The following OR2L13 variants were observed in gnomAD, a reference collection of about 807,000 sequenced individuals.
The protein encoded by OR2L13 is olfactory receptor family 2 subfamily L member 13, also known as olfactory receptor 2L13.
A neutral mutation model predicts 15.3 loss-of-function variants in OR2L13; 14 were observed. The ratio of observed to expected loss-of-function variants is 0.91; its 90% CI spans 0.60 to 1.43. The LOEUF (loss-of-function observed/expected upper bound fraction) is 1.43. Ranked by LOEUF, OR2L13 falls within the 40% of genes most tolerant of loss-of-function variation. The probability of loss-of-function intolerance (pLI) is 0.00; values close to 1 mark genes in which losing one functional copy is unlikely to be tolerated. For missense variants in OR2L13, 367 were observed against 387.9 expected (o/e 0.95, Z 0.45); for synonymous variants, 152 against 142.9 (o/e 1.06, Z -0.45).
At chr1:248,024,882 C>T in the OR2L13 span, among the ~76,000 whole-genome samples, 5,447 of 152,144 alleles carry the variant, frequency 0.036, 330 homozygotes, top group African/African-American at 0.12. Context: ...ATTGACTTGG[C>T]GATGCGGGCT....
At chr1:248,100,332 C>T in exon 3 of OR2L13, 2 of 1,425,806 alleles carry the variant, frequency 1.4e-6, no homozygotes, top group Non-Finnish European at 2.0e-6. Flanking sequence ...CATCCCCACT[C>T]CCTTTGTATT....
At chr1:247,949,476 G>A in the OR2L13 span, 46 of 1,609,484 alleles carry the variant, frequency 2.9e-5, no homozygotes, top group African/African-American at 1.7e-4. Flanking sequence ...CATCTTTCTC[G>A]TGTTTCCCTT....
chr1:248,089,433 G>A, the OR2L13 span, among the ~76,000 whole-genome samples: 2 of 152,092 alleles, frequency 1.3e-5, no homozygotes, highest in Non-Finnish European at 2.9e-5. Context: ...CTCCCCAGAA[G>A]TTGAGTCATG....
At chr1:248,029,288 A>T in the OR2L13 span, 1 of 152,232 alleles carries the variant, frequency 6.6e-6, no homozygotes, top group Non-Finnish European at 1.5e-5. Context: ...AAATAATTTA[A>T]CAATTTAAAT....
the OR2L13 span, among the ~76,000 whole-genome samples, chr1:247,967,421 T>G: frequency 0.62 from 93,497 of 151,770 alleles, 31,751 homozygotes; most frequent in East Asian, 0.85. Context: ...TAGAGACTGG[T>G]TTTCACCATG....
At chr1:247,956,734 G>T in the OR2L13 span, among the ~76,000 whole-genome samples, 1 of 151,836 alleles carries the variant, frequency 6.6e-6, no homozygotes, top group East Asian at 1.9e-4. Context: ...CTCATGATTT[G>T]GCTCTCTGTT....
At chr1:248,015,234 G>A in the OR2L13 span, among the ~76,000 whole-genome samples, 1,224 of 152,170 alleles carry the variant, frequency 8.0e-3, 11 homozygotes, top group African/African-American at 0.027. Flanking sequence ...TTATTCCTAC[G>A]TCAGTTAAAC....
At chr1:248,060,963 T>C in the OR2L13 span, 3 of 1,614,036 alleles carry the variant, frequency 1.9e-6, no homozygotes, top group South Asian at 2.2e-5. Flanking sequence ...TCTCCTTCAC[T>C]GGGTGTGGGA....
At chr1:248,035,232 C>T in the OR2L13 span, among the ~76,000 whole-genome samples, 183 of 152,014 alleles carry the variant, frequency 1.2e-3, no homozygotes, top group South Asian at 3.3e-3. Flanking sequence ...GGGCGGATCA[C>T]GAGGTCAGGA....
the OR2L13 span, among the ~76,000 whole-genome samples, chr1:247,960,354 G>A: frequency 6.6e-6 from 1 of 152,166 alleles, no homozygotes; most frequent in Admixed American, 6.5e-5. Flanking sequence ...ACCCCTACTG[G>A]GGGGTGCCTC....
the OR2L13 span, among the ~76,000 whole-genome samples, chr1:248,059,427 CTGTAA>C: frequency 6.6e-6 from 1 of 152,122 alleles, no homozygotes; most frequent in Non-Finnish European, 1.5e-5. Flanking sequence ...ATAAAGCAAT[CTGTAA>C]TGTTATCTAA....
the OR2L13 span, among the ~76,000 whole-genome samples, chr1:248,021,530 C>T: frequency 5.3e-5 from 8 of 152,064 alleles, no homozygotes; most frequent in Admixed American, 3.3e-4. Context: ...CAGTCATAGC[C>T]CAATGTTGCA....
chr1:248,018,134 G>A, the OR2L13 span, among the ~76,000 whole-genome samples: 1 of 147,918 alleles, frequency 6.8e-6, no homozygotes, highest in African/African-American at 2.6e-5. Flanking sequence ...CAGCCTAGGC[G>A]ACAGAGCGAC....
At chr1:247,968,839 T>C in the OR2L13 span, among the ~76,000 whole-genome samples, 1 of 152,160 alleles carries the variant, frequency 6.6e-6, no homozygotes, top group Non-Finnish European at 1.5e-5. Flanking sequence ...GCATGATTTA[T>C]AATCCTTTGG....
the OR2L13 span, chr1:247,990,724 A>G: frequency 6.4e-7 from 1 of 1,566,090 alleles, no homozygotes. Flanking sequence ...GATAGGCTCC[A>G]TCAACTCTTG....
upstream of OR2L13, among the ~76,000 whole-genome samples, chr1:248,095,947 G>T (rs1053551210): frequency 6.6e-6 from 1 of 151,692 alleles, no homozygotes; most frequent in Non-Finnish European, 1.5e-5. Flanking sequence ...GAAGAACTTC[G>T]GGCAAAGTGA....
At chr1:248,033,510 C>T in the OR2L13 span, among the ~76,000 whole-genome samples, 1 of 151,922 alleles carries the variant, frequency 6.6e-6, no homozygotes, top group African/African-American at 2.4e-5. Context: ...GATCTTGGCT[C>T]ACTGCAACCT....
At chr1:247,978,151 G>T in the OR2L13 span, among the ~76,000 whole-genome samples, 1 of 152,118 alleles carries the variant, frequency 6.6e-6, no homozygotes, top group African/African-American at 2.4e-5. Context: ...CAGTCTTCGG[G>T]TCCGCACCAC....
chr1:248,042,429 G>A, the OR2L13 span: 1 of 151,912 alleles, frequency 6.6e-6, no homozygotes, highest in Non-Finnish European at 1.5e-5. Flanking sequence ...TGGGTGCAGT[G>A]CAGCAGCATG....
Sources: allele counts gnomAD v4.1 joint callset (sites outside exome capture counted in the v4.1 genomes callset), GRCh38; gene constraint gnomAD v4.1.1; transcripts MANE v1.5; gene names NCBI Gene and HGNC (gene_info 2026-07-23, HGNC 2026-07-21).